The following FRG1 variants were observed in gnomAD, a reference collection of about 807,000 sequenced individuals.
The protein encoded by FRG1 is protein FRG1.
In FRG1, 19 loss-of-function variants were observed where a neutral mutation model predicts 37.0. That is an observed-to-expected ratio of 0.51 (90% CI 0.36 to 0.75). The LOEUF is 0.75. FRG1 is among the 30% of genes least tolerant of loss of function. The pLI, the probability that FRG1 is intolerant of heterozygous loss-of-function variation, is 0.00. For missense variants in FRG1, 243 were observed against 301.4 expected, an observed-to-expected ratio of 0.81 and a Z score of 1.44; for synonymous variants, 73 against 96.5, an observed-to-expected ratio of 0.76 and a Z score of 1.43.
In FRG1 at chr4:189,941,223, C is replaced by T. The variant is rs1579612356; in HGVS notation, c.62+152C>T. The T allele has an allele frequency of 1.4e-5, 10 of 705,696 alleles. No homozygotes were observed. The South Asian group carries it at 1.6e-4, about 12-fold the overall frequency. The allele number at this position is 705,696 out of a possible 1,614,324, so 43.7% of individuals were successfully genotyped here. ...TGTCCGGGCTGGACGGAGGCCGGGC[C>T]GCGGTTCCCGGCGTCTGTGCAGAGA... is the stretch of plus-strand genomic sequence containing the variant. On this transcript the variant is annotated intron_variant, in intron 1 of 8. Transcript: ENST00000226798.
rs191504419 is a variant in FRG1, at chr4:189,950,660, A to C, written c.134-1502A>C. On this transcript the variant is annotated intron_variant, in intron 2 of 8. Transcript: ENST00000226798. Reference sequence around the variant, plus strand: ...AAATTTTGTGCAGTGGAATTAACTGAATCTTTAAAACCTTTTTATTATGGA... The same window carrying C: ...AAATTTTGTGCAGTGGAATTAACTGCATCTTTAAAACCTTTTTATTATGGA... Among the ~76,000 whole-genome samples, 1,468 of 152,264 alleles carry C rather than the reference A, an allele frequency of 9.6e-3. 22 individuals are homozygous for C. Among genetic ancestry groups the C allele is most frequent in the African/African-American group, 0.034 (1,397 of 41,534 alleles).
chr4:189,949,880 ATATACAGAATATAGAAT>A (rs1229050954), intron 2 of FRG1, among the ~76,000 whole-genome samples: 9 of 152,130 alleles, frequency 5.9e-5, no homozygotes, highest in Non-Finnish European at 1.2e-4. Flanking sequence ...TGGAGGTAAA[ATATACAGAATATAGAAT>A]TTGCCAGTTT....
chr4:189,961,826 A>T lies in FRG1; in HGVS notation c.634A>T (p.Lys212Ter). The T allele has an allele frequency of 7.0e-7, 1 of 1,436,330 alleles. No homozygotes were observed. The allele number at this position is 1,436,330 out of a possible 1,614,324, so 89.0% of individuals were successfully genotyped here. A position where few individuals can be genotyped will look rare whatever the true frequency, so the allele number is the denominator to read the frequency against. ...VKQCEINYVK[K>*]FQSFQDHKLK... ...ATGAAGACATTTTCTTTACAGAAAGAAATTTCAGAGCTTCCAAGACCACAA... is the reference window on the plus strand; with the variant it reads ...ATGAAGACATTTTCTTTACAGAAAGTAATTTCAGAGCTTCCAAGACCACAA... Residue 212 changes from lysine to a stop codon, truncating the protein, a stop_gained, in exon 8 of 9, where the codon AAA (lysine) becomes TAA (stop). Transcript: ENST00000226798. LOFTEE classifies it high-confidence loss of function.
chr4:189,961,481 C>T lies in FRG1; in HGVS notation c.630-341C>T, dbSNP rs549610185. On this transcript the variant is annotated intron_variant, in intron 7 of 8. Transcript: ENST00000226798. ...AGAGTGCCATGGCGCGATCTCGGCT[C>T]ATCGCAACCTCCGCTTCCCAGGTTC... is the stretch of plus-strand genomic sequence containing the variant. The T allele has an allele frequency of 2.0e-3, 336 of 169,554 alleles. 2 individuals are homozygous for T. The highest frequency in any genetic ancestry group is 3.6e-3 in the Non-Finnish European group (288 of 80,554). 10.5% of individuals were successfully genotyped at this position (169,554 alleles called of 1,614,324 possible). A position where few individuals can be genotyped will look rare whatever the true frequency, so the allele number is the denominator to read the frequency against.
chr4:189,941,637 T>C (rs115509367), intron 1 of FRG1, among the ~76,000 whole-genome samples: 3,155 of 152,262 alleles, frequency 0.021, 51 homozygotes, highest in Non-Finnish European at 0.033. Context: ...AGATCAAATA[T>C]CTGAACCTCC....
rs1736246010 is a variant in FRG1, at chr4:189,940,884, G to C, written c.-126G>C. 1 of 677,550 alleles carries C rather than the reference G, an allele frequency of 1.5e-6. No homozygotes were observed. Among genetic ancestry groups the C allele is most frequent in the South Asian group, 1.8e-5 (1 of 55,500 alleles). The allele number at this position is 677,550 out of a possible 1,614,324, so 42.0% of individuals were successfully genotyped here. A position where few individuals can be genotyped will look rare whatever the true frequency, so the allele number is the denominator to read the frequency against. ...TGAAGACGGAGGCGGGTTCTACAGA[G>C]ACGTAGGCTGTCAGGGAGTGTTTAT... On this transcript the variant is annotated 5_prime_UTR_variant, in exon 1 of 9. Coordinates refer to ENST00000226798, the MANE Select transcript of FRG1 (RefSeq NM_004477.3).
Position 189,943,998 on chromosome 4 carries a change from G to C in FRG1, c.133+726G>C, listed in dbSNP as rs573225471. 7.0e-4 allele frequency among the ~76,000 whole-genome samples: 107 copies of C among 152,260 alleles called. No individual in the cohort carries two copies. In the South Asian group the frequency reaches 0.021, roughly 30 times the overall value. Reference sequence around the variant, plus strand: ...TGTGGAATTGCTGTGTCAAAGGATAGGTGAATGTTTAACTATATAAGAAAA... The same window carrying C: ...TGTGGAATTGCTGTGTCAAAGGATACGTGAATGTTTAACTATATAAGAAAA... On this transcript the variant is annotated intron_variant, in intron 2 of 8. Transcript: ENST00000226798.
rs190074346 is a variant in FRG1 at position 189,946,956 on chromosome 4, G to C, written c.133+3684G>C. 7.2e-4 allele frequency among the ~76,000 whole-genome samples: 109 copies of C among 152,182 alleles called. 1 individual carries two copies. Among genetic ancestry groups the C allele is most frequent in the African/African-American group, 2.6e-3 (108 of 41,530 alleles). ...CAACCTCCGCCTCCCAGGTTCAAGT[G>C]AATCTCCTGCCTCAGCCTCCGGAGT... On this transcript the variant is annotated intron_variant, in intron 2 of 8. Transcript: ENST00000226798.
chr4:189,962,791 A>G (rs1737291667), intron 8 of FRG1, among the ~76,000 whole-genome samples: 1 of 152,208 alleles, frequency 6.6e-6, no homozygotes, highest in Non-Finnish European at 1.5e-5. Context: ...TTGTAATAAT[A>G]CAGCATTCTC....
intron 1 of FRG1, among the ~76,000 whole-genome samples, chr4:189,941,613 A>C (rs553596465): frequency 1.3e-5 from 2 of 152,280 alleles, no homozygotes; most frequent in South Asian, 4.1e-4. Context: ...CTGAACTTCC[A>C]TTTACTCATT....
At chr4:189,953,797 T>C (rs1023106736) in intron 4 of FRG1, among the ~76,000 whole-genome samples, 1 of 152,112 alleles carries the variant, frequency 6.6e-6, no homozygotes, top group Non-Finnish European at 1.5e-5. Context: ...TGATTATTTC[T>C]GTACTTTCTT....
intron 5 of FRG1, among the ~76,000 whole-genome samples, chr4:189,956,567 G>C (rs75670766): frequency 1.3e-5 from 2 of 152,110 alleles, no homozygotes; most frequent in African/African-American, 2.4e-5. Flanking sequence ...CATGTTCCAG[G>C]GCTCACCAGG....
chr4:189,959,628 A>C (rs1737143545), intron 6 of FRG1, among the ~76,000 whole-genome samples: 1 of 152,226 alleles, frequency 6.6e-6, no homozygotes, highest in South Asian at 2.1e-4. Context: ...GGATATCATC[A>C]CAAAAGTGTT....
chr4:189,944,635 A>G (rs959336908), intron 2 of FRG1, among the ~76,000 whole-genome samples: 2 of 151,744 alleles, frequency 1.3e-5, no homozygotes, highest in Admixed American at 6.6e-5. Context: ...AAACATCTTG[A>G]TAGCCAGTTG....
At position 189,962,053 on chromosome 4, in the gene FRG1, G is replaced by A; in HGVS notation, c.740+121G>A. 4.5e-6 allele frequency: 3 copies of A among 662,564 alleles called. No homozygotes were observed. In the South Asian group the frequency reaches 5.7e-5, roughly 12 times the overall value. 41.0% of individuals were successfully genotyped at this position (662,564 alleles called of 1,614,324 possible). A position where few individuals can be genotyped will look rare whatever the true frequency, so the allele number is the denominator to read the frequency against. On this transcript the variant is annotated intron_variant, in intron 8 of 8. Coordinates refer to ENST00000226798, the MANE Select transcript of FRG1 (RefSeq NM_004477.3). Reference sequence around the variant, plus strand: ...ATTTTTGTCTTTATTTCTAATTTATGAGTGTGGCAATATTACCTAAAGAGG... The same window carrying A: ...ATTTTTGTCTTTATTTCTAATTTATAAGTGTGGCAATATTACCTAAAGAGG...
intron 2 of FRG1, among the ~76,000 whole-genome samples, chr4:189,948,972 A>G (rs1341928562): frequency 2.0e-5 from 3 of 152,222 alleles, no homozygotes; most frequent in South Asian, 4.1e-4. Context: ...GATTACAGGC[A>G]TGCCAGACAT....
chr4:189,944,804 C>T (rs1447414648), intron 2 of FRG1, among the ~76,000 whole-genome samples: 1 of 152,146 alleles, frequency 6.6e-6, no homozygotes, highest in African/African-American at 2.4e-5. Context: ...GCTATAATTT[C>T]ATGAAGTCTT....
At chr4:189,947,508 C>G (rs928759038) in intron 2 of FRG1, among the ~76,000 whole-genome samples, 2 of 152,232 alleles carry the variant, frequency 1.3e-5, no homozygotes, top group Non-Finnish European at 2.9e-5. Flanking sequence ...TGCTCGTAGA[C>G]TTAGACAGTG....
intron 6 of FRG1, among the ~76,000 whole-genome samples, chr4:189,958,104 A>G (rs1737065681): frequency 8.1e-6 from 1 of 123,620 alleles, no homozygotes; most frequent in Non-Finnish European, 1.8e-5. Context: ...GAATGTAGAA[A>G]GTTTTCTCTT....
Sources: gnomAD v4.1 joint callset for allele counts (sites outside exome capture counted in the v4.1 genomes callset) on GRCh38, gnomAD v4.1.1 for gene constraint, MANE v1.5 for transcripts, NCBI Gene and HGNC (gene_info 2026-07-23, HGNC 2026-07-21) for gene names.